MAGED1: variants seen among roughly 807,000 people sequenced by gnomAD.
MAGED1 encodes the protein melanoma-associated antigen D1.
Under a neutral mutation model 54.1 loss-of-function variants are expected in MAGED1, and 3 were observed. The ratio of observed to expected loss-of-function variants is 0.06; its 90% confidence interval spans 0.03 to 0.14. The LOEUF is 0.14. Among genes scored for constraint, MAGED1 ranks in the 10% least tolerant of loss-of-function variants. MAGED1 has a pLI of 1.00. For missense variants in MAGED1, 485 were observed against 623.4 expected, an observed-to-expected ratio of 0.78 and a Z score of 2.36; for synonymous variants, 217 against 227.3, an observed-to-expected ratio of 0.95 and a Z score of 0.41.
intron 10 of MAGED1, chrX:51,899,471 C>T (rs1295765927): frequency 9.1e-6 from 1 of 109,798 alleles, no homozygotes; most frequent in Non-Finnish European, 1.9e-5. Context: ...GAGACTGAGT[C>T]TCACTCTGTT....
intron 1 of MAGED1, among the ~76,000 whole-genome samples, chrX:51,844,391 G>A (rs922882036): frequency 2.2e-4 from 25 of 112,228 alleles, no homozygotes; most frequent in Non-Finnish European, 2.6e-4. Flanking sequence ...GCTTCTTCTC[G>A]ATGCTCATTA....
chrX:51,897,176 A>G, intron 4 of MAGED1, 32 bp from the exon 5 acceptor site: 2 of 1,203,724 alleles, frequency 1.7e-6, no homozygotes, highest in Non-Finnish European at 2.2e-6. Context: ...TAAATATTTT[A>G]TAAGTTTAAT....
chrX:51,890,888 C>T (rs1557363420), upstream of MAGED1, among the ~76,000 whole-genome samples: 2 of 107,685 alleles, frequency 1.9e-5, no homozygotes, highest in East Asian at 5.8e-4. Flanking sequence ...TACTCCTGGG[C>T]TTCTGGTGTC....
At chrX:51,808,164 T>C (rs781991969) in intron 1 of MAGED1, among the ~76,000 whole-genome samples, 1 of 112,534 alleles carries the variant, frequency 8.9e-6, no homozygotes, top group Admixed American at 9.4e-5. Context: ...TGTAAGCTGG[T>C]ATTTAAAACT....
chrX:51,893,126 T>C (rs1286457703), upstream of MAGED1, among the ~76,000 whole-genome samples: 1 of 110,500 alleles, frequency 9.0e-6, no homozygotes, highest in South Asian at 3.9e-4. Context: ...AGCCACAGAC[T>C]TACTACTACT....
At chrX:51,899,763 C>G (rs1557364712) in intron 10 of MAGED1, 1 of 133,828 alleles carries the variant, frequency 7.5e-6, no homozygotes, top group African/African-American at 3.2e-5. Flanking sequence ...AATTTTTCTA[C>G]TTTTCTAAGC....
chrX:51,859,746 G>T (rs1557360474), intron 1 of MAGED1, among the ~76,000 whole-genome samples: 1 of 111,365 alleles, frequency 9.0e-6, no homozygotes, highest in Non-Finnish European at 1.9e-5. Flanking sequence ...GAGGCAGGAG[G>T]ACCAGACTTA....
At chrX:51,876,985 A>G (rs971152497) in intron 1 of MAGED1, among the ~76,000 whole-genome samples, 2 of 111,632 alleles carry the variant, frequency 1.8e-5, no homozygotes, top group Non-Finnish European at 3.8e-5. Context: ...CTAAGAAAGT[A>G]TAGATATTTT....
intron 1 of MAGED1, among the ~76,000 whole-genome samples, chrX:51,841,936 T>C (rs1926508282): frequency 8.9e-6 from 1 of 111,818 alleles, no homozygotes; most frequent in African/African-American, 3.3e-5. Flanking sequence ...TTTGGTTCCA[T>C]ATGAACTTGA....
intron 1 of MAGED1, among the ~76,000 whole-genome samples, chrX:51,859,080 T>C (rs782565210): frequency 9.0e-6 from 1 of 111,611 alleles, no homozygotes; most frequent in Non-Finnish European, 1.9e-5. Flanking sequence ...AACCACCTTC[T>C]AGCTGTGTGA....
intron 9 of MAGED1, 102 bp downstream of exon 9, chrX:51,898,429 TG>T (rs1557364585): frequency 3.8e-6 from 4 of 1,062,314 alleles, no homozygotes; most frequent in Non-Finnish European, 5.2e-6. Flanking sequence ...GGGTTTGGTT[TG>T]GGGATGTTCA....
intron 2 of MAGED1, chrX:51,894,622 T>C (rs78483206): frequency 9.3e-6 from 11 of 1,181,669 alleles, no homozygotes; most frequent in East Asian, 3.0e-5. Flanking sequence ...TTTTTTTTTT[T>C]CCAGAATCCT....
intron 1 of MAGED1, among the ~76,000 whole-genome samples, chrX:51,869,713 A>G (rs1557361355): frequency 9.0e-6 from 1 of 110,733 alleles, no homozygotes; most frequent in Non-Finnish European, 1.9e-5. Flanking sequence ...TACAAAAATA[A>G]TGCAAAAATT....
chrX:51,809,912 T>C (rs782231136), intron 1 of MAGED1, among the ~76,000 whole-genome samples: 61 of 112,202 alleles, frequency 5.4e-4, no homozygotes, highest in Non-Finnish European at 8.5e-4. Context: ...TTATCAGCTA[T>C]TTTTTGTCCT....
Position 51,895,640 on chromosome X carries a change from CAT to C in MAGED1, c.635_636del (p.Ile212ArgfsTer8). On this transcript the variant is annotated frameshift_variant, in exon 3 of 13. Transcript: ENST00000326587. LOFTEE classifies it high-confidence loss of function. ...CCAAAATGGCCACTTCCCAGGCTGA[CAT>C]AGAGACCGACCCAGGTATCTCTGAA... ...QAKMATSQAD[I>X]ETDPGISEPD... 1 of 1,210,372 alleles carries C rather than the reference CAT, an allele frequency of 8.3e-7. No individual in the cohort carries two copies. Among genetic ancestry groups the C allele is most frequent in the Non-Finnish European group, 1.1e-6 (1 of 894,803 alleles).
chrX:51,896,801 TCCACCTGGATGGCAGACC>T lies in MAGED1; in HGVS notation c.1152_1169del (p.Thr388_Gln393del). 4 of 1,208,077 alleles carry T rather than the reference TCCACCTGGATGGCAGACC, an allele frequency of 3.3e-6. No individual in the cohort carries two copies. Among genetic ancestry groups the T allele is most frequent in the Non-Finnish European group, 3.4e-6 (3 of 893,622 alleles). ...GGCAGAATCCACCTGGATGGCAGACTCCACCTGGATGGCAGACCCCACCGGGCTGGCAGGGTCCTCCAG... is the reference window on the plus strand; with the variant it reads ...GGCAGAATCCACCTGGATGGCAGACTCCACCGGGCTGGCAGGGTCCTCCAG... On this transcript the variant is annotated inframe_deletion, in exon 4 of 13. Coordinates refer to ENST00000326587, the MANE Select transcript of MAGED1 (RefSeq NM_006986.4).
chrX:51,813,021 C>CTT lies in MAGED1; in HGVS notation c.-37+9922_-37+9923dup, dbSNP rs781836909. ...AAATATAATATTTAACCGCTGACAT[C>CTT]TTTTTTTTTTTTTTTTTTTGAGGCA... On this transcript the variant is annotated intron_variant, in intron 1 of 12. Transcript: ENST00000375772. 3.6e-4 allele frequency among the ~76,000 whole-genome samples: 28 copies of CTT among 76,818 alleles called. 1 individual carries two copies. The highest frequency in any genetic ancestry group is 1.4e-3 in the South Asian group (2 of 1,478). The allele number at this position is 76,818 out of a possible 115,157, so 66.7% of individuals were successfully genotyped here.
At chrX:51,887,531 C>T (rs1928283558) in intron 1 of MAGED1, among the ~76,000 whole-genome samples, 2 of 111,182 alleles carry the variant, frequency 1.8e-5, no homozygotes, top group South Asian at 7.6e-4. Flanking sequence ...AATTGCCTCA[C>T]AAATATGCCA....
intron 1 of MAGED1, among the ~76,000 whole-genome samples, chrX:51,833,568 T>C (rs782161209): frequency 3.6e-5 from 4 of 112,040 alleles, no homozygotes; most frequent in African/African-American, 1.3e-4. Context: ...AAAACTTGTT[T>C]TATTACATTT....
Sources: gnomAD v4.1 joint callset for allele counts (sites outside exome capture counted in the v4.1 genomes callset) on GRCh38, gnomAD v4.1.1 for gene constraint, MANE v1.5 for transcripts, NCBI Gene and HGNC (gene_info 2026-07-23, HGNC 2026-07-21) for gene names.